Variants in CNN3 observed in about 807,000 individuals in gnomAD.
The protein encoded by CNN3 is calponin 3, also known as calponin-3.
A neutral mutation model predicts 39.0 loss-of-function variants in CNN3; 11 were observed. That is an observed-to-expected ratio of 0.28 (90% CI 0.18 to 0.47). The LOEUF is 0.47. CNN3 is among the 20% of genes least tolerant of loss of function. CNN3 has a pLI of 0.99. For missense variants in CNN3, 266 were observed against 403.4 expected, an observed-to-expected ratio of 0.66 and a Z score of 2.92; for synonymous variants, 101 against 138.3, an observed-to-expected ratio of 0.73 and a Z score of 1.89.
chr1:94,901,402 T>A (rs4847366), intron 5 of CNN3, among the ~76,000 whole-genome samples: 126,071 of 148,620 alleles, frequency 0.85, 53,775 homozygotes, highest in East Asian at 0.98. Context: ...TTTTCTTTTT[T>A]AAAAAAAAAA....
At position 94,898,204 on chromosome 1, in the gene CNN3, CA is replaced by C. The variant is rs1379308968; in HGVS notation, c.649-122del. On this transcript the variant is annotated intron_variant, in intron 6 of 6. Coordinates refer to ENST00000370206, the MANE Select transcript of CNN3 (RefSeq NM_001839.5). ...GTAATACATGAACTTTCATTTGGTT[CA>C]GGGGTAAAGCTAGCTTAACCAAAAT... The C allele has an allele frequency of 2.6e-5, 28 of 1,064,964 alleles. No homozygotes were observed. In the Admixed American group the frequency reaches 7.4e-4, roughly 28 times the overall value. The allele number at this position is 1,064,964 out of a possible 1,614,324, so 66.0% of individuals were successfully genotyped here.
At chr1:94,916,364 C>T (rs1671279357) in intron 1 of CNN3, among the ~76,000 whole-genome samples, 2 of 152,100 alleles carry the variant, frequency 1.3e-5, no homozygotes, top group South Asian at 4.2e-4. Context: ...CAAGATCATG[C>T]CACTGCACTC....
intron 1 of CNN3, among the ~76,000 whole-genome samples, chr1:94,920,049 C>T (rs1671400036): frequency 6.6e-6 from 1 of 152,186 alleles, no homozygotes; most frequent in Non-Finnish European, 1.5e-5. Flanking sequence ...TGGAGGAATA[C>T]AAGCCCTATC....
At chr1:94,919,879 T>C (rs1262344503) in intron 1 of CNN3, among the ~76,000 whole-genome samples, 1 of 151,938 alleles carries the variant, frequency 6.6e-6, no homozygotes, top group Non-Finnish European at 1.5e-5. Context: ...GGTCCCTCCC[T>C]ACCTTGTGGG....
intron 1 of CNN3, among the ~76,000 whole-genome samples, chr1:94,904,934 C>T (rs1055732179): frequency 6.6e-6 from 1 of 152,120 alleles, no homozygotes; most frequent in Non-Finnish European, 1.5e-5. Context: ...CTGCTGTGTC[C>T]ATAAGACATA....
chr1:94,918,274 C>T (rs1671337806), intron 1 of CNN3, among the ~76,000 whole-genome samples: 1 of 152,042 alleles, frequency 6.6e-6, no homozygotes, highest in African/African-American at 2.4e-5. Flanking sequence ...AGACAGATCA[C>T]CTGAGGTCAG....
chr1:94,903,715 C>T (rs954646556), intron 1 of CNN3, among the ~76,000 whole-genome samples, 191 bp from the exon 2 acceptor site: 1 of 152,072 alleles, frequency 6.6e-6, no homozygotes, highest in African/African-American at 2.4e-5. Context: ...TTGGTGAAGA[C>T]CGTGTCATAC....
At chr1:94,904,453 T>C (rs575724821) in intron 1 of CNN3, among the ~76,000 whole-genome samples, 1 of 152,158 alleles carries the variant, frequency 6.6e-6, no homozygotes. Flanking sequence ...ATCAGGGTTA[T>C]GGAGAACACA....
intron 1 of CNN3, among the ~76,000 whole-genome samples, chr1:94,903,987 C>G (rs1557909152): frequency 6.6e-6 from 1 of 152,156 alleles, no homozygotes; most frequent in Admixed American, 6.5e-5. Flanking sequence ...CTGGAAAGTT[C>G]TGGTATTTGC....
intron 1 of CNN3, among the ~76,000 whole-genome samples, chr1:94,910,161 G>A (rs902848654): frequency 6.6e-5 from 10 of 152,224 alleles, no homozygotes; most frequent in African/African-American, 2.4e-4. Context: ...AACTCTCTAA[G>A]TAAACTCGTA....
chr1:94,899,187 G>A (rs1040313384), intron 6 of CNN3, among the ~76,000 whole-genome samples, 184 bp downstream of exon 6: 3 of 152,010 alleles, frequency 2.0e-5, no homozygotes, highest in African/African-American at 7.3e-5. Flanking sequence ...CAAAAACCAC[G>A]AGACACATCA....
intron 3 of CNN3, among the ~76,000 whole-genome samples, chr1:94,902,601 TAATA>T (rs1180423395): frequency 6.6e-6 from 1 of 152,260 alleles, no homozygotes; most frequent in Non-Finnish European, 1.5e-5. Flanking sequence ...TTACTCATAC[TAATA>T]AATAATTCAT....
intron 1 of CNN3, among the ~76,000 whole-genome samples, chr1:94,918,251 G>A (rs1671337080): frequency 6.6e-6 from 1 of 152,110 alleles, no homozygotes; most frequent in Non-Finnish European, 1.5e-5. Flanking sequence ...CCAGCATTTT[G>A]GGAGGCTGAG....
chr1:94,902,291 G>T, intron 3 of CNN3, 33 bp from the exon 4 acceptor site: 1 of 1,565,706 alleles, frequency 6.4e-7, no homozygotes, highest in Non-Finnish European at 8.7e-7. Flanking sequence ...AATTTCTGGA[G>T]CTAAATATTG....
At chr1:94,905,356 TCCCCCTCTTGAAGGCTCACCATGCA>T (rs1670969516) in intron 1 of CNN3, among the ~76,000 whole-genome samples, 2 of 152,066 alleles carry the variant, frequency 1.3e-5, no homozygotes, top group African/African-American at 2.4e-5. Flanking sequence ...ACATTCCAGG[TCCCCCTCTTGAAGGCTCACCATGCA>T]CCTGAGCCTG....
chr1:94,901,826 G>A, intron 4 of CNN3, 41 bp from the exon 5 acceptor site: 2 of 1,389,168 alleles, frequency 1.4e-6, no homozygotes, highest in Non-Finnish European at 2.0e-6. Context: ...GGCCAACAGA[G>A]TTTCACAGAA....
intron 1 of CNN3, among the ~76,000 whole-genome samples, chr1:94,909,420 G>A (rs976857995): frequency 1.3e-5 from 2 of 152,116 alleles, no homozygotes; most frequent in Non-Finnish European, 2.9e-5. Flanking sequence ...ATGAAAACAA[G>A]GTTAAGAAAC....
Position 94,913,675 on chromosome 1 carries a change from G to A in CNN3, c.58-10151C>T, listed in dbSNP as rs188932173. ...CTATTATGAGAAACTGGCTAGCCAG[G>A]AGTGGCTACATATGACCTGGAAGTT... On this transcript the variant is annotated intron_variant, in intron 1 of 6. Coordinates refer to ENST00000370206, the MANE Select transcript of CNN3 (RefSeq NM_001839.5). 1.2e-3 allele frequency among the ~76,000 whole-genome samples: 186 copies of A among 152,328 alleles called. 2 individuals carry two copies. The highest frequency in any genetic ancestry group is 2.2e-3 in the Non-Finnish European group (150 of 68,024).
At chr1:94,917,752 C>T (rs1008625421) in intron 1 of CNN3, among the ~76,000 whole-genome samples, 1 of 152,188 alleles carries the variant, frequency 6.6e-6, no homozygotes, top group African/African-American at 2.4e-5. Context: ...CAAAGCAGTA[C>T]AAGCACTTAG....
Sources: gnomAD v4.1 joint callset for allele counts (sites outside exome capture counted in the v4.1 genomes callset) on GRCh38, gnomAD v4.1.1 for gene constraint, MANE v1.5 for transcripts, NCBI Gene and HGNC (gene_info 2026-07-23, HGNC 2026-07-21) for gene names.